The following ANGEL1 variants were observed in gnomAD, a reference collection of about 807,000 sequenced individuals.
ANGEL1 encodes RNA 2',3'-cyclic phosphatase ANGEL1.
In ANGEL1, 62 loss-of-function variants were observed where a neutral mutation model predicts 76.4. That is an observed-to-expected ratio of 0.81 (90% CI 0.66 to 1.00). The LOEUF (loss-of-function observed/expected upper bound fraction) is 1.00. Ranked by LOEUF, ANGEL1 falls within the 50% of genes least tolerant of loss-of-function variation. The pLI is 0.00. For synonymous variants in ANGEL1, 340 were observed against 331.7 expected, an observed-to-expected ratio of 1.03 and a Z score of -0.27; for missense variants, 737 against 836.7, an observed-to-expected ratio of 0.88 and a Z score of 1.47.
intron 7 of ANGEL1, among the ~76,000 whole-genome samples, chr14:76,794,456 G>A (rs1894514896): frequency 6.6e-6 from 1 of 152,126 alleles, no homozygotes; most frequent in African/African-American, 2.4e-5. Context: ...CGCATCATGA[G>A]GTCAGGAGAT....
intron 1 of ANGEL1, chr14:76,812,252 C>T (rs1280414316): frequency 2.0e-6 from 2 of 987,744 alleles, no homozygotes; most frequent in Middle Eastern, 5.1e-4. Context: ...CAACCAAAGA[C>T]ACCGGTGAGC....
chr14:76,799,277 C>CTTTT (rs1894680490), intron 7 of ANGEL1, among the ~76,000 whole-genome samples: 1 of 87,584 alleles, frequency 1.1e-5, no homozygotes, highest in Admixed American at 1.4e-4. Context: ...TTCATGGCCT[C>CTTTT]CTTTTTTTTT....
intron 7 of ANGEL1, among the ~76,000 whole-genome samples, chr14:76,799,548 C>T (rs1250044940): frequency 1.3e-5 from 2 of 152,096 alleles, no homozygotes; most frequent in African/African-American, 2.4e-5. Flanking sequence ...CCGCCTCAGC[C>T]TCCCAAAGTG....
Position 76,809,078 on chromosome 14 carries a change from T to C in ANGEL1, c.630A>G (p.Ala210=). 3.1e-6 allele frequency: 5 copies of C among 1,612,828 alleles called. No individual in the cohort carries two copies. The highest frequency in any genetic ancestry group is 4.2e-6 in the Non-Finnish European group (5 of 1,179,222). The change falls in exon 2 of 10, where the codon GCA becomes GCG. Residue 210 remains alanine, a synonymous_variant. Transcript: ENST00000251089. The part of the protein sequence containing the change: ...FEGLGQLQPP[A]VEIPYHEILW... The stretch of plus-strand genomic sequence containing the variant: ...ACTCACCATGATATGGTATTTCCAC[T>C]GCGGGAGGCTGCAACTGCCCCAGGC...
chr14:76,793,391 AGGAGG>A (rs796828837), intron 7 of ANGEL1, among the ~76,000 whole-genome samples: 1 of 2,148 alleles, frequency 4.7e-4, no homozygotes, highest in Admixed American at 6.0e-3. Flanking sequence ...GAGAGGGGAG[AGGAGG>A]GGAGAGGGGA....
In ANGEL1 at chr14:76,812,837, C is replaced by A; in HGVS notation, c.-10G>T. ...AGCACGACGCGATCATGGCCGGCCGCCCGCGCCCGCCTCCGCTCCTCACTG... is the reference window on the plus strand; with the variant it reads ...AGCACGACGCGATCATGGCCGGCCGACCGCGCCCGCCTCCGCTCCTCACTG... On this transcript the variant is annotated 5_prime_UTR_variant, in exon 1 of 10. Transcript: ENST00000251089. 8.0e-6 allele frequency: 12 copies of A among 1,507,492 alleles called. No homozygotes were observed. Among genetic ancestry groups the A allele is most frequent in the Non-Finnish European group, 1.1e-5 (12 of 1,132,030 alleles). 93.4% of individuals were successfully genotyped at this position (1,507,492 alleles called of 1,614,324 possible).
At chr14:76,790,221 G>A (rs1008613846) in intron 9 of ANGEL1, among the ~76,000 whole-genome samples, 1 of 152,164 alleles carries the variant, frequency 6.6e-6, no homozygotes, top group African/African-American at 2.4e-5. Context: ...ACACAATACA[G>A]GCATGGGGCT....
At position 76,811,530 on chromosome 14, in the gene ANGEL1, GGGGGC is replaced by G. The variant is rs1385657172; in HGVS notation, c.64+1229_64+1233del. Among the ~76,000 whole-genome samples the G allele has an allele frequency of 9.7e-4, 133 of 137,004 alleles. 3 individuals are homozygous for G. The highest frequency in any genetic ancestry group is 6.4e-4 in the Non-Finnish European group (40 of 62,906). 89.9% of individuals were successfully genotyped at this position (137,004 alleles called of 152,430 possible). A position where few individuals can be genotyped will look rare whatever the true frequency, so the allele number is the denominator to read the frequency against. On this transcript the variant is annotated intron_variant, in intron 1 of 9. Coordinates refer to ENST00000251089, the MANE Select transcript of ANGEL1 (RefSeq NM_015305.4). ...TGTAATGTGTAGGTGGGGGGGCGGG[GGGGGC>G]CCTCCTCTGAGATCCCTAGAACTCT...
chr14:76,799,017 G>T (rs1303308485), intron 7 of ANGEL1, among the ~76,000 whole-genome samples: 1 of 151,184 alleles, frequency 6.6e-6, no homozygotes, highest in Non-Finnish European at 1.5e-5. Flanking sequence ...TATACACATT[G>T]GATGGCACAG....
Position 76,803,403 on chromosome 14 carries a change from A to T in ANGEL1, c.1586T>A (p.Val529Asp), listed in dbSNP as rs1894822373. Residue 529 changes from valine to aspartate, a missense_variant, in exon 7 of 10, where the codon GTC becomes GAC. Transcript: ENST00000251089. ...AGTATCTGTCACTCCTTCCATAAGG[A>T]CCAGTCCTACTGGTCGCTGACAAGC... ...SIACQRPVGL[V>D]LMEGVTDTKP... 1.9e-6 allele frequency: 3 copies of T among 1,614,216 alleles called. No individual in the cohort carries two copies. The highest frequency in any genetic ancestry group is 2.7e-5 in the African/African-American group (2 of 75,064).
intron 7 of ANGEL1, among the ~76,000 whole-genome samples, chr14:76,801,161 A>C (rs958276090): frequency 6.7e-6 from 1 of 148,920 alleles, no homozygotes; most frequent in Non-Finnish European, 1.5e-5. Context: ...CCCAAGCTGG[A>C]GTGCAATGGT....
In ANGEL1 at chr14:76,807,917, C is replaced by T; in HGVS notation, c.876+5G>A. 6 of 1,613,600 alleles carry T rather than the reference C, an allele frequency of 3.7e-6. No individual in the cohort carries two copies. Among genetic ancestry groups the T allele is most frequent in the South Asian group, 1.1e-5 (1 of 91,052 alleles). ...GCAAGATGGCAATTCCCCCTCTTCA[C>T]TCACATCAGGGTCCCAGTGCTGGAA... On this transcript the variant is annotated splice_donor_5th_base_variant and intron_variant, in intron 3 of 9. Transcript: ENST00000251089.
intron 9 of ANGEL1, among the ~76,000 whole-genome samples, chr14:76,790,266 A>C (rs1346770392): frequency 6.6e-6 from 1 of 152,296 alleles, no homozygotes; most frequent in East Asian, 1.9e-4. Context: ...TGGTATGGGG[A>C]GAGGAGACAG....
In ANGEL1 at chr14:76,803,379, G is replaced by C. The variant is rs778605802; in HGVS notation, c.1610C>G (p.Thr537Ser). The change falls in exon 7 of 10, where the codon ACT becomes AGT. Residue 537 changes from threonine to serine, a missense_variant. Thr to Ser is a moderately conservative substitution (Grantham distance 58). This residue lies in a region of ANGEL1 where 296 missense variants were observed against 387.2 expected (regional missense o/e 0.76). Coordinates refer to ENST00000251089, the MANE Select transcript of ANGEL1 (RefSeq NM_015305.4). ...GGATTAGTTCCCATTACCTGGCTTA[G>C]TATCTGTCACTCCTTCCATAAGGAC... Reference protein sequence around the residue: ...GLVLMEGVTDTKPERPAGWAE... With the variant: ...GLVLMEGVTDSKPERPAGWAE... 8 of 1,613,720 alleles carry C rather than the reference G, an allele frequency of 5.0e-6. No individual in the cohort carries two copies. The African/African-American group carries it at 9.3e-5, about 19-fold the overall frequency.
chr14:76,807,595 C>T (rs1894957633), intron 3 of ANGEL1, 93 bp from the exon 4 acceptor site: 2 of 1,258,770 alleles, frequency 1.6e-6, no homozygotes, highest in East Asian at 2.5e-5. Context: ...TGGGAAGCTG[C>T]TGGGTCACAC....
intron 7 of ANGEL1, among the ~76,000 whole-genome samples, chr14:76,795,139 T>C (rs566067749): frequency 2.8e-4 from 42 of 152,288 alleles, no homozygotes; most frequent in African/African-American, 9.9e-4. Context: ...AATAAATACA[T>C]TTCAATGGTG....
intron 7 of ANGEL1, among the ~76,000 whole-genome samples, chr14:76,798,145 T>A (rs1354924486): frequency 2.7e-5 from 4 of 146,694 alleles, no homozygotes; most frequent in East Asian, 2.0e-4. Flanking sequence ...TTTTTTTTTT[T>A]AAAGACAGGG....
intron 7 of ANGEL1, among the ~76,000 whole-genome samples, chr14:76,796,926 C>CCACACA (rs59003912): frequency 1.3e-5 from 2 of 150,962 alleles, no homozygotes; most frequent in African/African-American, 2.4e-5. Context: ...TTACAATATG[C>CCACACA]CACACACACA....
At chr14:76,797,895 A>C (rs1350732520) in intron 7 of ANGEL1, among the ~76,000 whole-genome samples, 1 of 152,248 alleles carries the variant, frequency 6.6e-6, no homozygotes, top group Non-Finnish European at 1.5e-5. Flanking sequence ...GCTATGGTCT[A>C]AATGTTTGTG....
Sources: gnomAD v4.1 joint callset for allele counts (sites outside exome capture counted in the v4.1 genomes callset) on GRCh38, gnomAD v4.1.1 for gene constraint, gnomAD v4.1.1 regional missense constraint, MANE v1.5 for transcripts, NCBI Gene and HGNC (gene_info 2026-07-23, HGNC 2026-07-21) for gene names.